Variants in COL16A1 observed in about 807,000 individuals in gnomAD.
The protein encoded by COL16A1 is collagen type XVI alpha 1 chain, also known as collagen alpha-1(XVI) chain.
In COL16A1, 189 loss-of-function variants were observed where a neutral mutation model predicts 266.3. The ratio of observed to expected loss-of-function variants is 0.71; its 90% confidence interval spans 0.63 to 0.80. The LOEUF is 0.80. Ranked by LOEUF, COL16A1 falls within the 30% of genes least tolerant of loss-of-function variation. COL16A1 has a pLI of 0.00. For missense variants in COL16A1, 1,928 were observed against 2,122.4 expected (o/e 0.91, Z 1.80); for synonymous variants, 740 against 782.3 (o/e 0.95, Z 0.90).
rs2148798977 is a variant in COL16A1 at position 31,689,736 on chromosome 1, C to T, written c.1620+5G>A. On this transcript the variant is annotated splice_donor_5th_base_variant and intron_variant, in intron 23 of 70. Transcript: ENST00000373672. ...GGTCCCTCAATGGTCACCCTGGGCA[C>T]TCACCCTGGCTGGTACAGGATCACC... is the stretch of plus-strand genomic sequence containing the variant. The T allele has an allele frequency of 6.2e-7, 1 of 1,612,672 alleles. No homozygotes were observed.
Position 31,662,350 on chromosome 1 carries a change from C to T in COL16A1, c.3665G>A (p.Gly1222Asp). 1.3e-6 allele frequency: 2 copies of T among 1,524,652 alleles called. No individual in the cohort carries two copies. The highest frequency in any genetic ancestry group is 1.8e-6 in the Non-Finnish European group (2 of 1,119,572). The allele number at this position is 1,524,652 out of a possible 1,614,324, so 94.4% of individuals were successfully genotyped here. ...AGLDGLDGKD[G>D]KPGLRGDPGP... Reference sequence around the variant, plus strand: ...TCATCTCACCCTCAAGCCAGGCTTGCCGTCCTTCCCATCCAAACCATCCAG... The same window carrying T: ...TCATCTCACCCTCAAGCCAGGCTTGTCGTCCTTCCCATCCAAACCATCCAG... The change falls in exon 58 of 71, where the codon GGC becomes GAC. Residue 1222 changes from glycine to aspartate, a missense_variant. Gly to Asp is a moderately conservative substitution (Grantham distance 94). This residue lies in a region of COL16A1 where 1,552 missense variants were observed against 1,637.2 expected (regional missense o/e 0.95). Coordinates refer to ENST00000373672, the MANE Select transcript of COL16A1 (RefSeq NM_001856.4).
intron 10 of COL16A1, among the ~76,000 whole-genome samples, chr1:31,695,535 T>C (rs1032176544): frequency 1.3e-5 from 2 of 152,136 alleles, no homozygotes; most frequent in Non-Finnish European, 2.9e-5. Flanking sequence ...CTCCCCATGA[T>C]GCCCGTGGCC....
rs148107549 is a variant in COL16A1, at chr1:31,671,301, G to GC, written c.3150+313dup. Among the ~76,000 whole-genome samples the GC allele has an allele frequency of 4.9e-3, 745 of 152,334 alleles. 4 individuals carry two copies. Among genetic ancestry groups the GC allele is most frequent in the African/African-American group, 0.016 (681 of 41,578 alleles). The stretch of plus-strand genomic sequence containing the variant: ...GGGAGGCTGTGAGCCTGAAGCCTAG[G>GC]CCCCCTGCCGAGGGCGGCCTGGGGC... On this transcript the variant is annotated intron_variant, in intron 48 of 70. Coordinates refer to ENST00000373672, the MANE Select transcript of COL16A1 (RefSeq NM_001856.4).
chr1:31,694,477 G>A (rs1030757966), intron 11 of COL16A1, among the ~76,000 whole-genome samples: 5 of 152,238 alleles, frequency 3.3e-5, no homozygotes, highest in African/African-American at 1.2e-4. Context: ...GGGACCATCA[G>A]TCTTAACAGA....
In COL16A1 at chr1:31,662,609, G is replaced by A; in HGVS notation, c.3605C>T (p.Pro1202Leu). 6.4e-7 allele frequency: 1 copy of A among 1,566,916 alleles called. No homozygotes were observed. Among genetic ancestry groups the A allele is most frequent in the Non-Finnish European group, 8.6e-7 (1 of 1,156,314 alleles). ...GPSGLPGSPGPPGPPGIQGPA... is the reference protein window; with the variant it reads ...GPSGLPGSPGLPGPPGIQGPA... The stretch of plus-strand genomic sequence containing the variant: ...CACCTGAATCCCAGGAGGTCCCGGT[G>A]GCCCAGGGGAGCCAGGCAGGCCTGA... The change falls in exon 57 of 71, where the codon CCA (proline) becomes CTA (leucine). Residue 1202 changes from proline (P) to leucine (L), a missense_variant. Physicochemically the swap from Pro to Leu is moderately conservative, Grantham distance 98 (BLOSUM62 -3). Transcript: ENST00000373672.
At chr1:31,694,048 C>G in intron 12 of COL16A1, 96 bp downstream of exon 12, 1 of 1,150,828 alleles carries the variant, frequency 8.7e-7, no homozygotes, top group Non-Finnish European at 1.3e-6. Flanking sequence ...GCTCAGGTGG[C>G]CCTGATAGAA....
rs1643970418 is a variant in COL16A1, at chr1:31,686,279, C to T, written c.1804G>A (p.Gly602Ser). Residue 602 changes from glycine to serine, a missense_variant and splice_region_variant, in exon 27 of 71, where the codon GGT (glycine) becomes AGT (serine). Gly to Ser is a moderately conservative substitution (Grantham distance 56). Coordinates refer to ENST00000373672, the MANE Select transcript of COL16A1 (RefSeq NM_001856.4). ...GCTGGCCCTGCCTCCCCGAAGTTACCCTGAGAGAAAGCACAGAAACCATGA... is the reference window on the plus strand; with the variant it reads ...GCTGGCCCTGCCTCCCCGAAGTTACTCTGAGAGAAAGCACAGAAACCATGA... ...AGVPGLKGEKGNFGEAGPAGS... is the reference protein window; with the variant it reads ...AGVPGLKGEKSNFGEAGPAGS... 1 of 1,614,206 alleles carries T rather than the reference C, an allele frequency of 6.2e-7. No homozygotes were observed. Among genetic ancestry groups the T allele is most frequent in the South Asian group, 1.1e-5 (1 of 91,082 alleles).
At chr1:31,672,695 A>C (rs368638710) in intron 45 of COL16A1, 29 bp downstream of exon 45, 2 of 1,611,936 alleles carry the variant, frequency 1.2e-6, no homozygotes, top group Non-Finnish European at 8.5e-7. Flanking sequence ...ACCCTCCTGC[A>C]TAGGGCAGCC....
Position 31,682,935 on chromosome 1 carries a change from G to T in COL16A1, c.2537C>A (p.Pro846Gln). Residue 846 changes from proline (P) to glutamine (Q), a missense_variant and splice_region_variant, in exon 37 of 71, where the codon CCG becomes CAG. This residue lies in a region of COL16A1 where 1,552 missense variants were observed against 1,637.2 expected (regional missense o/e 0.95). Transcript: ENST00000373672. Reference protein sequence around the residue: ...GPPGASVSGPPGRDGQQGQTG... With the variant: ...GPPGASVSGPQGRDGQQGQTG... The stretch of plus-strand genomic sequence containing the variant: ...GCATGGAGCACAGAGAAGACTTACC[G>T]GAGGCCCAGAGACACTGGCCCCAGG... The T allele has an allele frequency of 6.2e-7, 1 of 1,613,968 alleles. No individual in the cohort carries two copies.
rs769957781 is a variant in COL16A1, at chr1:31,691,988, G to A, written c.1257+17C>T. The A allele has an allele frequency of 6.2e-7, 1 of 1,613,718 alleles. No homozygotes were observed. The highest frequency in any genetic ancestry group is 8.5e-7 in the Non-Finnish European group (1 of 1,179,990). ...CCGTGCTGTGGGTTGTGGTGGGGAA[G>A]GGTCCCAGGCACCTACGTCCCGGCC... On this transcript the variant is annotated intron_variant, in intron 17 of 70. Coordinates refer to ENST00000373672, the MANE Select transcript of COL16A1 (RefSeq NM_001856.4).
chr1:31,680,096 C>G lies in COL16A1; in HGVS notation c.2616G>C (p.Glu872Asp), dbSNP rs1293535034. 6.2e-7 allele frequency: 1 copy of G among 1,613,466 alleles called. No individual in the cohort carries two copies. Among genetic ancestry groups the G allele is most frequent in the South Asian group, 1.1e-5 (1 of 90,954 alleles). ...GEKGPRGEKG[E>D]PGECSCPSQG... ...GAGAGGGGCAGGAGCACTCCCCTGG[C>G]TCACCCTGAAAATACAAGAGCCTTT... is the stretch of plus-strand genomic sequence containing the variant. Residue 872 changes from glutamate (E) to aspartate (D), a missense_variant, in exon 40 of 71, where the codon GAG becomes GAC. Physicochemically the swap from Glu to Asp is conservative, Grantham distance 45. Transcript: ENST00000373672.
At position 31,697,687 on chromosome 1, in the gene COL16A1, A is replaced by G. The variant is rs1447759094; in HGVS notation, c.657+219T>C. 6.6e-6 allele frequency among the ~76,000 whole-genome samples: 1 copy of G among 152,172 alleles called. No homozygotes were observed. Among genetic ancestry groups the G allele is most frequent in the Non-Finnish European group, 1.5e-5 (1 of 68,030 alleles). On this transcript the variant is annotated intron_variant, in intron 6 of 70. Transcript: ENST00000373672. The surrounding 1 kb of genome is among the most constrained non-coding windows in gnomAD (Gnocchi z 4.2). ...AATTGATCAGAGCAGAGCTGCACGG[A>G]GAGATGTAAAGGAAGATGGTGCTGC...
chr1:31,683,024 G>A (rs760032743), intron 36 of COL16A1, 22 bp from the exon 37 acceptor site: 3 of 1,613,928 alleles, frequency 1.9e-6, no homozygotes, highest in Non-Finnish European at 2.5e-6. Flanking sequence ...AAGGTACAAA[G>A]GTCTCAGGGG....
intron 2 of COL16A1, 82 bp downstream of exon 2, chr1:31,702,039 G>A: frequency 6.2e-7 from 1 of 1,602,956 alleles, no homozygotes; most frequent in Non-Finnish European, 8.5e-7. Context: ...ACACATACAT[G>A]GTCACATATG....
Position 31,698,546 on chromosome 1 carries a change from C to G in COL16A1, c.327G>C (p.Lys109Asn). 1 of 1,614,108 alleles carries G rather than the reference C, an allele frequency of 6.2e-7. No homozygotes were observed. Among genetic ancestry groups the G allele is most frequent in the African/African-American group, 1.3e-5 (1 of 75,024 alleles). The change falls in exon 5 of 71, where the codon AAG becomes AAC. Residue 109 changes from lysine (K) to asparagine (N), a missense_variant. Coordinates refer to ENST00000373672, the MANE Select transcript of COL16A1 (RefSeq NM_001856.4). This position sits in a 1 kb window ranked among gnomAD's most constrained non-coding sequence, Gnocchi z 4.1. ...ACCACGTCTTCTGGTGGGTGTGTTT[C>G]TTCAGCAGTAGTGTCAGCACCAGGG... is the stretch of plus-strand genomic sequence containing the variant. ...EFALVLTLLL[K>N]KHTHQKTWYL... is the part of the protein sequence containing the mutation.
rs1211875659 is a variant in COL16A1, at chr1:31,652,818, C to A, written c.4648G>T (p.Ala1550Ser). 1 of 1,579,182 alleles carries A rather than the reference C, an allele frequency of 6.3e-7. No individual in the cohort carries two copies. Among genetic ancestry groups the A allele is most frequent in the African/African-American group, 1.4e-5 (1 of 73,310 alleles). Residue 1550 changes from alanine (A) to serine (S), a missense_variant, in exon 71 of 71, where the codon GCA becomes TCA. Around this residue, in one of 2 missense-constraint regions of COL16A1, gnomAD observed 376 missense variants for 485.2 expected, o/e 0.77. Coordinates refer to ENST00000373672, the MANE Select transcript of COL16A1 (RefSeq NM_001856.4). This position sits in a 1 kb window ranked among gnomAD's most constrained non-coding sequence, Gnocchi z 4.8. ...CCTTGCTGGCCCATTGGTCCTGTTG[C>A]ACCCATCTTGCCATAGCCTGGAGGA... Reference protein sequence around the residue: ...QGPPGYGKMGATGPMGQQGIP... With the variant: ...QGPPGYGKMGSTGPMGQQGIP...
Position 31,697,978 on chromosome 1 carries a change from C to A in COL16A1, c.585G>T (p.Gly195=). The A allele has an allele frequency of 6.2e-7, 1 of 1,613,446 alleles. No individual in the cohort carries two copies. The highest frequency in any genetic ancestry group is 8.5e-7 in the Non-Finnish European group (1 of 1,180,020). Reference sequence around the variant, plus strand: ...CCACAGGCCTCATGGGTCGTCGGGGCCCCAGAGGCTGGGAGGAGGCTGAGC... The same window carrying A: ...CCACAGGCCTCATGGGTCGTCGGGGACCCAGAGGCTGGGAGGAGGCTGAGC... ...DCSSASSQPL[G]PRRPMRPVGH... is the part of the protein sequence containing the mutation. The change falls in exon 6 of 71, where the codon GGG becomes GGT. Residue 195 remains glycine, a synonymous_variant. Coordinates refer to ENST00000373672, the MANE Select transcript of COL16A1 (RefSeq NM_001856.4). This position sits in a 1 kb window ranked among gnomAD's most constrained non-coding sequence, Gnocchi z 4.2.
rs372233099 is a variant in COL16A1, at chr1:31,684,830, C to T, written c.2043G>A (p.Lys681=). 2.5e-6 allele frequency: 4 copies of T among 1,614,158 alleles called. No individual in the cohort carries two copies. Among genetic ancestry groups the T allele is most frequent in the Non-Finnish European group, 3.4e-6 (4 of 1,180,024 alleles). ...ACGGACGCCCTCTCACCTTCTGCCCCTTCAGTCCACGCTCTCCAGCCTTGC... is the reference window on the plus strand; with the variant it reads ...ACGGACGCCCTCTCACCTTCTGCCCTTTCAGTCCACGCTCTCCAGCCTTGC... The part of the protein sequence containing the change: ...KQGKAGERGL[K]GQKGDAGNPG... The change falls in exon 30 of 71, where the codon AAG becomes AAA. Residue 681 remains lysine (K), a synonymous_variant. Transcript: ENST00000373672.
At position 31,688,645 on chromosome 1, in the gene COL16A1, C is replaced by T. The variant is rs574643661; in HGVS notation, c.1768-143G>A. 9.7e-6 allele frequency: 12 copies of T among 1,239,556 alleles called. No homozygotes were observed. The Admixed American group carries it at 1.9e-4, about 20-fold the overall frequency. 76.8% of individuals were successfully genotyped at this position (1,239,556 alleles called of 1,614,324 possible). A position where few individuals can be genotyped will look rare whatever the true frequency, so the allele number is the denominator to read the frequency against. On this transcript the variant is annotated intron_variant, in intron 25 of 70. Transcript: ENST00000373672. This position sits in a 1 kb window ranked among gnomAD's most constrained non-coding sequence, Gnocchi z 4.9. ...TAGCTGGACAGTTTCTTCAGTTAGA[C>T]AACTGAAGCTAGAGGTGCTAAGAGG...
Sources: gnomAD v4.1 joint callset for allele counts (sites outside exome capture counted in the v4.1 genomes callset) on GRCh38, gnomAD v4.1.1 for gene constraint, gnomAD v4.1.1 regional missense constraint, Gnocchi (gnomAD v3.1) non-coding constraint, MANE v1.5 for transcripts, NCBI Gene and HGNC (gene_info 2026-07-23, HGNC 2026-07-21) for gene names.